The following BRSK2 variants were observed in gnomAD, a reference collection of about 807,000 sequenced individuals.
BRSK2 encodes BR serine/threonine kinase 2.
In BRSK2, 19 loss-of-function variants were observed where a neutral mutation model predicts 83.3. The ratio of observed to expected loss-of-function variants is 0.23; its 90% confidence interval spans 0.16 to 0.33. The LOEUF is 0.33. Ranked by LOEUF, BRSK2 falls within the 10% of genes least tolerant of loss-of-function variation. The probability of loss-of-function intolerance (pLI) is 1.00; values close to 1 mark genes in which losing one functional copy is unlikely to be tolerated. For missense variants in BRSK2, 798 were observed against 1,042.3 expected, an observed-to-expected ratio of 0.77 and a Z score of 3.23; for synonymous variants, 519 against 435.4, an observed-to-expected ratio of 1.19 and a Z score of -2.39.
chr11:1,438,175 C>T lies in BRSK2; in HGVS notation c.187-131C>T, dbSNP rs1850598671. The T allele has an allele frequency of 3.0e-6, 2 of 660,252 alleles. No individual in the cohort carries two copies. Among genetic ancestry groups the T allele is most frequent in the Non-Finnish European group, 2.5e-6 (1 of 400,006 alleles). 40.9% of individuals were successfully genotyped at this position (660,252 alleles called of 1,614,324 possible). A position where few individuals can be genotyped will look rare whatever the true frequency, so the allele number is the denominator to read the frequency against. On this transcript the variant is annotated intron_variant, in intron 2 of 19. Transcript: ENST00000528841. The surrounding 1 kb of genome is among the most constrained non-coding windows in gnomAD (Gnocchi z 6.4). ...CGTCCCCCACAGCTGGCACCAAAGG[C>T]CCCTGCGACCCCCACAGCTGGCACC...
In BRSK2 at chr11:1,450,754, C is replaced by G; in HGVS notation, c.1455C>G (p.Ser485Arg). The G allele has an allele frequency of 6.3e-7, 1 of 1,595,184 alleles. No homozygotes were observed. Among genetic ancestry groups the G allele is most frequent in the Non-Finnish European group, 8.5e-7 (1 of 1,173,858 alleles). ...WRARLNSIKN[S>R]FLGSPRFHRR... ...CGCGGCTCAACTCCATCAAGAACAG[C>G]TTTCTGGGCTCACCCCGCTTCCACC... The change falls in exon 14 of 20, where the codon AGC becomes AGG. Residue 485 changes from serine to arginine, a missense_variant. Around this residue, in one of 6 missense-constraint regions of BRSK2, gnomAD observed 455 missense variants for 455.2 expected, o/e 1.00. Transcript: ENST00000528841.
intron 1 of BRSK2, among the ~76,000 whole-genome samples, chr11:1,434,227 T>C (rs1849977741): frequency 6.6e-6 from 1 of 152,114 alleles, no homozygotes; most frequent in African/African-American, 2.4e-5. Context: ...CTGGGTGAAA[T>C]TTGAGCACAG....
intron 8 of BRSK2, 39 bp downstream of exon 8, chr11:1,443,674 G>A (rs757327093): frequency 8.5e-4 from 70 of 81,938 alleles, no homozygotes; most frequent in Non-Finnish European, 1.4e-3. Context: ...AGAGCGTGGC[G>A]GGGGGGCGCG....
At chr11:1,446,040 G>A (rs1852008885) in intron 12 of BRSK2, 133 bp downstream of exon 12, 1 of 892,696 alleles carries the variant, frequency 1.1e-6, no homozygotes, top group Non-Finnish European at 1.6e-6. Flanking sequence ...GGGCTAAACT[G>A]GGCTTAGCTG....
At chr11:1,394,181 G>A (rs1845912329) in intron 1 of BRSK2, among the ~76,000 whole-genome samples, 1 of 116,502 alleles carries the variant, frequency 8.6e-6, no homozygotes, top group Non-Finnish European at 1.8e-5. Flanking sequence ...CTGGAGATGG[G>A]CCCCTGGAGA....
At chr11:1,440,656 C>A (rs938450782) in intron 3 of BRSK2, 132 bp from the exon 4 acceptor site, 18 of 1,218,002 alleles carry the variant, frequency 1.5e-5, no homozygotes, top group Non-Finnish European at 2.0e-5. Context: ...TCTCAGCTGC[C>A]CCCCCAGCCA....
intron 13 of BRSK2, 23 bp from the exon 14 acceptor site, chr11:1,450,564 C>T (rs752765082): frequency 4.2e-6 from 6 of 1,440,978 alleles, no homozygotes; most frequent in African/African-American, 1.4e-5. Flanking sequence ...GAACCAAACA[C>T]CAAATCTGTC....
chr11:1,419,072 A>C (rs1018262691), intron 1 of BRSK2, among the ~76,000 whole-genome samples: 1 of 151,904 alleles, frequency 6.6e-6, no homozygotes, highest in African/African-American at 2.4e-5. Context: ...GAGTCTGGGC[A>C]CCAGGGTGGG....
rs1845652426 is a variant in BRSK2, at chr11:1,390,478, G to A, written c.91+103G>A. 1.7e-6 allele frequency: 1 copy of A among 574,974 alleles called. No individual in the cohort carries two copies. Among genetic ancestry groups the A allele is most frequent in the African/African-American group, 2.1e-5 (1 of 48,358 alleles). 35.6% of individuals were successfully genotyped at this position (574,974 alleles called of 1,614,324 possible). A position where few individuals can be genotyped will look rare whatever the true frequency, so the allele number is the denominator to read the frequency against. The stretch of plus-strand genomic sequence containing the variant: ...GCCCCGGCCGCGAAGCCGCAGGCCC[G>A]GCCCGGGCCCCGGCCGCGAACAATG... On this transcript the variant is annotated intron_variant, in intron 1 of 19. Transcript: ENST00000528841. This position sits in a 1 kb window ranked among gnomAD's most constrained non-coding sequence, Gnocchi z 6.8.
intron 1 of BRSK2, among the ~76,000 whole-genome samples, chr11:1,422,711 A>C (rs1848754238): frequency 6.6e-6 from 1 of 152,146 alleles, no homozygotes; most frequent in South Asian, 2.1e-4. Context: ...ACAGGCAGGC[A>C]GGCCTGACCG....
intron 1 of BRSK2, among the ~76,000 whole-genome samples, chr11:1,426,485 G>T (rs1225360205): frequency 6.6e-6 from 1 of 152,172 alleles, no homozygotes; most frequent in African/African-American, 2.4e-5. Context: ...CCTTGGGGGT[G>T]CCCAGTCCTG....
In BRSK2 at chr11:1,454,412, C is replaced by G. The variant is rs1456496657; in HGVS notation, c.1545-73C>G. ...ATGGAAGATTCCGCCGTTCCAACCC[C>G]AGATTCGAGGGAGGCAGGGGTGTGG... On this transcript the variant is annotated intron_variant, in intron 15 of 19. Transcript: ENST00000528841. This position sits in a 1 kb window ranked among gnomAD's most constrained non-coding sequence, Gnocchi z 5.2. 8.3e-6 allele frequency: 13 copies of G among 1,572,952 alleles called. No homozygotes were observed. The highest frequency in any genetic ancestry group is 1.0e-5 in the Non-Finnish European group (12 of 1,148,870).
At chr11:1,439,630 C>G (rs770057595) in intron 3 of BRSK2, among the ~76,000 whole-genome samples, 1 of 152,180 alleles carries the variant, frequency 6.6e-6, no homozygotes, top group East Asian at 1.9e-4. Context: ...CGGCTTCTCC[C>G]GAGGTCTGGC....
intron 2 of BRSK2, among the ~76,000 whole-genome samples, chr11:1,436,617 C>G (rs1191545124): frequency 6.6e-6 from 1 of 152,080 alleles, no homozygotes; most frequent in Non-Finnish European, 1.5e-5. Flanking sequence ...TGGAGGGTTT[C>G]TGGGCTGTGA....
intron 6 of BRSK2, 80 bp from the exon 7 acceptor site, chr11:1,443,255 C>T (rs1564851584): frequency 7.9e-6 from 12 of 1,525,894 alleles, no homozygotes; most frequent in Admixed American, 4.0e-5. Flanking sequence ...GTCCCCGGGC[C>T]GACTCCCTCT....
intron 3 of BRSK2, among the ~76,000 whole-genome samples, chr11:1,439,379 GAGCAGGGGC>G (rs1850828167): frequency 2.0e-5 from 3 of 152,122 alleles, no homozygotes; most frequent in African/African-American, 7.2e-5. Context: ...GCCCCACCAT[GAGCAGGGGC>G]TCAGAAACTG....
intron 1 of BRSK2, among the ~76,000 whole-genome samples, chr11:1,425,937 C>T (rs566164959): frequency 3.5e-4 from 53 of 152,278 alleles, no homozygotes; most frequent in African/African-American, 8.9e-4. Flanking sequence ...CTCTGGAGAG[C>T]GGATTTGCGG....
At chr11:1,445,060 C>G in intron 9 of BRSK2, 58 bp downstream of exon 9, 1 of 1,589,424 alleles carries the variant, frequency 6.3e-7, no homozygotes. Flanking sequence ...GGCCTGGAGG[C>G]CCTGCTAGGA....
intron 15 of BRSK2, among the ~76,000 whole-genome samples, chr11:1,453,559 G>A (rs1230195341): frequency 6.6e-6 from 1 of 152,206 alleles, no homozygotes; most frequent in Non-Finnish European, 1.5e-5. Context: ...GCAGGACACT[G>A]AGGAGGCGTC....
Sources: gnomAD v4.1 joint callset for allele counts (sites outside exome capture counted in the v4.1 genomes callset) on GRCh38, gnomAD v4.1.1 for gene constraint, gnomAD v4.1.1 regional missense constraint, Gnocchi (gnomAD v3.1) non-coding constraint, MANE v1.5 for transcripts, NCBI Gene and HGNC (gene_info 2026-07-23, HGNC 2026-07-21) for gene names.